Variants in TRIM32 observed in about 807,000 individuals in gnomAD.
The protein encoded by TRIM32 is tripartite motif containing 32.
A neutral mutation model predicts 36.0 loss-of-function variants in TRIM32; 19 were observed. That is an observed-to-expected ratio of 0.53 (90% CI 0.37 to 0.77). The LOEUF is 0.77. TRIM32 is among the 30% of genes least tolerant of loss of function. The pLI, the probability that TRIM32 is intolerant of heterozygous loss-of-function variation, is 0.00. For synonymous variants in TRIM32, 309 were observed against 318.5 expected (o/e 0.97, Z 0.32); for missense variants, 747 against 845.2 (o/e 0.88, Z 1.44).
At chr9:116,696,033 C>A (rs1380129637) in intron 1 of TRIM32, among the ~76,000 whole-genome samples, 1 of 152,160 alleles carries the variant, frequency 6.6e-6, no homozygotes, top group Non-Finnish European at 1.5e-5. Context: ...ATTTCCACCA[C>A]CTGCTCCCTA....
intron 1 of TRIM32, among the ~76,000 whole-genome samples, chr9:116,693,553 C>G (rs1457329045): frequency 1.3e-5 from 2 of 152,032 alleles, no homozygotes; most frequent in Non-Finnish European, 2.9e-5. Context: ...ATGGGATGTA[C>G]AGTATTAATC....
chr9:116,692,627 A>G (rs1672658448), intron 1 of TRIM32, among the ~76,000 whole-genome samples: 1 of 152,150 alleles, frequency 6.6e-6, no homozygotes, highest in African/African-American at 2.4e-5. Flanking sequence ...GGAAAGCCTG[A>G]TCCCTCAGGC....
At chr9:116,689,178 G>A (rs969780166) in intron 1 of TRIM32, among the ~76,000 whole-genome samples, 74 of 152,308 alleles carry the variant, frequency 4.9e-4, no homozygotes, top group African/African-American at 1.8e-3. Context: ...CTGACCTAGA[G>A]TCAGATACCC....
intron 1 of TRIM32, among the ~76,000 whole-genome samples, chr9:116,689,956 CTT>C (rs1391282173): frequency 6.6e-6 from 1 of 152,290 alleles, no homozygotes; most frequent in East Asian, 1.9e-4. Flanking sequence ...TGTATGGTCT[CTT>C]TTGGTCTGCT....
rs1860978067 is a variant in TRIM32, at chr9:116,698,210, G to T, written c.468G>T (p.Leu156=). 6 of 1,614,188 alleles carry T rather than the reference G, an allele frequency of 3.7e-6. No homozygotes were observed. Among genetic ancestry groups the T allele is most frequent in the Non-Finnish European group, 4.2e-6 (5 of 1,180,040 alleles). The change falls in exon 2 of 2, where the codon CTG becomes CTT. Residue 156 remains leucine (L), a synonymous_variant. Transcript: ENST00000450136. This position sits in a 1 kb window ranked among gnomAD's most constrained non-coding sequence, Gnocchi z 4.4. ...RRDFGEKLTR[L]RELMGELQRR... is the part of the protein sequence containing the mutation. ...ACTTTGGAGAGAAGTTAACTCGTCT[G>T]CGGGAACTTATGGGGGAGCTGCAGC...
At position 116,699,427 on chromosome 9, in the gene TRIM32, G is replaced by A. The variant is rs1221648426; in HGVS notation, c.1685G>A (p.Gly562Asp). The A allele has an allele frequency of 1.2e-6, 2 of 1,614,166 alleles. No homozygotes were observed. The highest frequency in any genetic ancestry group is 2.7e-5 in the African/African-American group (2 of 75,052). Residue 562 changes from glycine (G) to aspartate (D), a missense_variant, in exon 2 of 2, where the codon GGT (glycine) becomes GAT (aspartate). Gly to Asp is a moderately conservative substitution (Grantham distance 94, BLOSUM62 -1). Coordinates refer to ENST00000450136, the MANE Select transcript of TRIM32 (RefSeq NM_012210.4). The surrounding 1 kb of genome is among the most constrained non-coding windows in gnomAD (Gnocchi z 4.2). The part of the protein sequence containing the change: ...IGSVGPDGQL[G>D]RQISHFFSEN... ...TCTGTAGGCCCTGATGGGCAGCTGG[G>A]TCGCCAGATTAGCCACTTCTTCTCG...
chr9:116,695,015 A>G (rs1477442617), intron 1 of TRIM32, among the ~76,000 whole-genome samples: 6 of 152,196 alleles, frequency 3.9e-5, no homozygotes, highest in East Asian at 1.9e-4. Flanking sequence ...TCATAACTAT[A>G]TTAGTGTTCC....
intron 1 of TRIM32, among the ~76,000 whole-genome samples, chr9:116,695,919 GA>G (rs1057055111): frequency 1.3e-5 from 2 of 152,158 alleles, no homozygotes; most frequent in African/African-American, 4.8e-5. Flanking sequence ...ATCTAGGCTT[GA>G]GTCTTTGGCT....
intron 1 of TRIM32, among the ~76,000 whole-genome samples, chr9:116,695,508 T>C (rs944869591): frequency 4.6e-5 from 7 of 152,232 alleles, no homozygotes; most frequent in Non-Finnish European, 7.3e-5. Context: ...TTAACTCCCC[T>C]TCTTCTCTAT....
intron 1 of TRIM32, among the ~76,000 whole-genome samples, chr9:116,697,118 A>C (rs1860901026): frequency 6.6e-6 from 1 of 152,026 alleles, no homozygotes; most frequent in Non-Finnish European, 1.5e-5. Context: ...CATCCACTGT[A>C]CTCCAGCAGA....
Position 116,699,492 on chromosome 9 carries a change from G to T in TRIM32, c.1750G>T (p.Asp584Tyr). ...DFRCIAGMCV[D>Y]ARGDLIVADS... The stretch of plus-strand genomic sequence containing the variant: ...CCGCTGCATTGCTGGCATGTGTGTG[G>T]ATGCTCGTGGTGATCTCATCGTGGC... The change falls in exon 2 of 2, where the codon GAT becomes TAT. Residue 584 changes from aspartate to tyrosine, a missense_variant. Transcript: ENST00000450136. The surrounding 1 kb of genome is among the most constrained non-coding windows in gnomAD (Gnocchi z 4.2). 1 of 1,614,200 alleles carries T rather than the reference G, an allele frequency of 6.2e-7. No individual in the cohort carries two copies. Among genetic ancestry groups the T allele is most frequent in the Middle Eastern group, 1.6e-4 (1 of 6,062 alleles).
At chr9:116,688,686 T>C (rs898593689) in intron 1 of TRIM32, among the ~76,000 whole-genome samples, 7 of 152,168 alleles carry the variant, frequency 4.6e-5, no homozygotes, top group Non-Finnish European at 1.0e-4. Context: ...GAAGTGGAAC[T>C]ATTCAAGGTC....
intron 1 of TRIM32, among the ~76,000 whole-genome samples, chr9:116,693,844 C>A (rs1860699016): frequency 6.6e-6 from 1 of 152,176 alleles, no homozygotes; most frequent in Admixed American, 6.5e-5. Context: ...CTATCTGAGT[C>A]ATTCTCAGTA....
rs1341211030 is a variant in TRIM32, at chr9:116,699,577, T to C, written c.1835T>C (p.Ile612Thr). ...AAGGGTGGGGGCTATAGTGTCCTTATTCGAGAGGGACTTACCTGTCCGGTG... is the reference window on the plus strand; with the variant it reads ...AAGGGTGGGGGCTATAGTGTCCTTACTCGAGAGGGACTTACCTGTCCGGTG... Reference protein sequence around the residue: ...FPKGGGYSVLIREGLTCPVGI... With the variant: ...FPKGGGYSVLTREGLTCPVGI... The change falls in exon 2 of 2, where the codon ATT becomes ACT. Residue 612 changes from isoleucine to threonine, a missense_variant. Physicochemically the swap from Ile to Thr is moderately conservative, Grantham distance 89 (BLOSUM62 -1). Transcript: ENST00000450136. This position sits in a 1 kb window ranked among gnomAD's most constrained non-coding sequence, Gnocchi z 4.2. The C allele has an allele frequency of 6.2e-7, 1 of 1,614,204 alleles. No individual in the cohort carries two copies. Among genetic ancestry groups the C allele is most frequent in the East Asian group, 2.2e-5 (1 of 44,876 alleles).
In TRIM32 at chr9:116,698,574, G is replaced by A; in HGVS notation, c.832G>A (p.Val278Met). The A allele has an allele frequency of 5.0e-6, 8 of 1,614,056 alleles. No individual in the cohort carries two copies. Among genetic ancestry groups the A allele is most frequent in the Non-Finnish European group, 5.9e-6 (7 of 1,180,008 alleles). The change falls in exon 2 of 2, where the codon GTG becomes ATG. Residue 278 changes from valine (V) to methionine (M), a missense_variant. Coordinates refer to ENST00000450136, the MANE Select transcript of TRIM32 (RefSeq NM_012210.4). The surrounding 1 kb of genome is among the most constrained non-coding windows in gnomAD (Gnocchi z 4.4). ...SLPRELTLQD[V>M]ELLKVGHVGP... ...GCCTCGGGAGCTCACCCTGCAAGAT[G>A]TGGAGCTCCTTAAGGTAGGTCATGT... is the stretch of plus-strand genomic sequence containing the variant.
chr9:116,695,299 T>G (rs1279573559), intron 1 of TRIM32, among the ~76,000 whole-genome samples: 1 of 152,172 alleles, frequency 6.6e-6, no homozygotes, highest in Non-Finnish European at 1.5e-5. Context: ...TAAAAGAGAT[T>G]AAGCATATAA....
rs781716459 is a variant in TRIM32, at chr9:116,697,720, CA to C, written c.-21del. The C allele has an allele frequency of 1.2e-6, 2 of 1,613,236 alleles. No individual in the cohort carries two copies. The highest frequency in any genetic ancestry group is 3.3e-5 in the Admixed American group (2 of 59,998). On this transcript the variant is annotated 5_prime_UTR_variant, in exon 2 of 2. Coordinates refer to ENST00000450136, the MANE Select transcript of TRIM32 (RefSeq NM_012210.4). ...GCTGTTCAGTTCTGAGCTGTGCTAG[CA>C]ATACCCTTCAAAGGAAGAGCAATGG...
Position 116,699,216 on chromosome 9 carries a change from A to G in TRIM32, c.1474A>G (p.Lys492Glu). The change falls in exon 2 of 2, where the codon AAG (lysine) becomes GAG (glutamate). Residue 492 changes from lysine (K) to glutamate (E), a missense_variant. By Grantham distance (56) the Lys-to-Glu change is moderately conservative (BLOSUM62 1). Coordinates refer to ENST00000450136, the MANE Select transcript of TRIM32 (RefSeq NM_012210.4). The surrounding 1 kb of genome is among the most constrained non-coding windows in gnomAD (Gnocchi z 4.2). ...QFVVTDVEGG[K>E]LWCFTVDRGS... is the part of the protein sequence containing the mutation. ...TGTAGTAACCGATGTGGAAGGTGGA[A>G]AGCTTTGGTGTTTCACAGTTGATCG... is the stretch of plus-strand genomic sequence containing the variant. 1 of 1,614,196 alleles carries G rather than the reference A, an allele frequency of 6.2e-7. No homozygotes were observed. Among genetic ancestry groups the G allele is most frequent in the East Asian group, 2.2e-5 (1 of 44,866 alleles).
intron 1 of TRIM32, among the ~76,000 whole-genome samples, chr9:116,688,353 T>C (rs140762965): frequency 4.1e-3 from 631 of 152,198 alleles, no homozygotes; most frequent in Non-Finnish European, 6.7e-3. Flanking sequence ...GATTTGTGGA[T>C]TGGTGTCTTG....
Sources: allele counts gnomAD v4.1 joint callset (sites outside exome capture counted in the v4.1 genomes callset), GRCh38; gene constraint gnomAD v4.1.1; non-coding constraint Gnocchi (gnomAD v3.1); transcripts MANE v1.5; gene names NCBI Gene and HGNC (gene_info 2026-07-23, HGNC 2026-07-21).